AUTS2: variants seen among roughly 807,000 people sequenced by gnomAD.
AUTS2 encodes the protein activator of transcription and developmental regulator AUTS2, also known as autism susceptibility gene 2 protein.
In AUTS2, 17 loss-of-function variants were observed where a neutral mutation model predicts 112.4. That is an observed-to-expected ratio of 0.15 (90% CI 0.10 to 0.23). The LOEUF (loss-of-function observed/expected upper bound fraction) is 0.23, where lower values mean the gene tolerates loss of function less well. Among genes scored for constraint, AUTS2 ranks in the 10% least tolerant of loss-of-function variants. The probability of loss-of-function intolerance (pLI) is 1.00; values close to 1 mark genes in which losing one functional copy is unlikely to be tolerated. For synonymous variants in AUTS2, 751 were observed against 702.7 expected (o/e 1.07, Z -1.09); for missense variants, 1,510 against 1,701.6 (o/e 0.89, Z 1.98).
At chr7:70,630,514 C>T (rs1563087768) in intron 5 of AUTS2, among the ~76,000 whole-genome samples, 1 of 152,180 alleles carries the variant, frequency 6.6e-6, no homozygotes, top group Non-Finnish European at 1.5e-5. Flanking sequence ...CCAGGACACC[C>T]TTAGTGAACT....
chr7:69,836,226 C>A (rs1221490763), intron 1 of AUTS2, among the ~76,000 whole-genome samples: 2 of 152,124 alleles, frequency 1.3e-5, no homozygotes, highest in Non-Finnish European at 2.9e-5. Flanking sequence ...CTCAGATTAG[C>A]TGAGAAGGCA....
At chr7:70,787,523 C>A in intron 18 of AUTS2, 92 bp downstream of exon 18, 1 of 960,090 alleles carries the variant, frequency 1.0e-6, no homozygotes, top group Non-Finnish European at 1.5e-6. Context: ...CCTGTCCCAG[C>A]CTCGTGCTTT....
chr7:70,154,969 C>T (rs1439437006), intron 4 of AUTS2, among the ~76,000 whole-genome samples: 2 of 152,148 alleles, frequency 1.3e-5, no homozygotes, highest in Admixed American at 1.3e-4. Context: ...CCCCTGGGAC[C>T]TGCTTTACAG....
At chr7:69,900,389 G>T (rs1451113051) in intron 2 of AUTS2, among the ~76,000 whole-genome samples, 1 of 152,196 alleles carries the variant, frequency 6.6e-6, no homozygotes, top group African/African-American at 2.4e-5. Flanking sequence ...GGTGGAATAG[G>T]TAATTTTTGG....
At chr7:70,343,528 A>G (rs1303305423) in intron 4 of AUTS2, among the ~76,000 whole-genome samples, 1 of 152,238 alleles carries the variant, frequency 6.6e-6, no homozygotes, top group Non-Finnish European at 1.5e-5. Flanking sequence ...CCACTGGAAC[A>G]TAAACAGTTA....
At chr7:70,754,350 A>G (rs1479108955) in intron 6 of AUTS2, among the ~76,000 whole-genome samples, 1 of 152,010 alleles carries the variant, frequency 6.6e-6, no homozygotes, top group Non-Finnish European at 1.5e-5. Context: ...ATTAACCAGC[A>G]TGGTGGCACA....
chr7:70,790,877 C>T lies in AUTS2; in HGVS notation c.3661C>T (p.Pro1221Ser). 6.2e-7 allele frequency: 1 copy of T among 1,603,192 alleles called. No individual in the cohort carries two copies. The highest frequency in any genetic ancestry group is 8.5e-7 in the Non-Finnish European group (1 of 1,174,414). Residue 1221 changes from proline to serine, a missense_variant, in exon 19 of 19, where the codon CCC (proline) becomes TCC (serine). Coordinates refer to ENST00000342771, the MANE Select transcript of AUTS2 (RefSeq NM_015570.4). This position sits in a 1 kb window ranked among gnomAD's most constrained non-coding sequence, Gnocchi z 7.6. ...TCCGACAGCAGCGCTGAGCGCACCT[C>T]CCCCGCTCATCTCCACGCTGGGGGG... The part of the protein sequence containing the change: ...TPPTAALSAP[P>S]PLISTLGGRP...
intron 5 of AUTS2, among the ~76,000 whole-genome samples, chr7:70,449,173 G>T (rs531509123): frequency 6.6e-6 from 1 of 152,236 alleles, no homozygotes; most frequent in Non-Finnish European, 1.5e-5. Context: ...AGGGCTAAAT[G>T]CCCTCCTTGC....
chr7:70,465,168 G>A (rs1455462759), intron 5 of AUTS2, among the ~76,000 whole-genome samples: 1 of 152,182 alleles, frequency 6.6e-6, no homozygotes, highest in East Asian at 1.9e-4. Flanking sequence ...ACACCAGAAG[G>A]ACTTGGCCTC....
intron 1 of AUTS2, among the ~76,000 whole-genome samples, chr7:69,671,454 C>A (rs1796316735): frequency 1.5e-5 from 2 of 132,612 alleles, no homozygotes; most frequent in South Asian, 5.3e-4. Context: ...GAACAGGGAT[C>A]AGCACAAAAT....
At chr7:70,410,946 C>T (rs1029903463) in intron 4 of AUTS2, among the ~76,000 whole-genome samples, 6 of 151,842 alleles carry the variant, frequency 4.0e-5, no homozygotes, top group Admixed American at 6.6e-5. Context: ...TCACTGCAAC[C>T]TCTGCCTCCC....
At chr7:70,121,175 C>T (rs920918583) in intron 3 of AUTS2, among the ~76,000 whole-genome samples, 3 of 152,108 alleles carry the variant, frequency 2.0e-5, no homozygotes, top group Non-Finnish European at 4.4e-5. Context: ...ACTCCTACAT[C>T]GCACTATGTA....
At chr7:70,323,809 T>G (rs1236108165) in intron 4 of AUTS2, among the ~76,000 whole-genome samples, 1 of 152,242 alleles carries the variant, frequency 6.6e-6, no homozygotes, top group Non-Finnish European at 1.5e-5. Context: ...GGTAATGCCT[T>G]CTGAAGAAAA....
intron 11 of AUTS2, among the ~76,000 whole-genome samples, chr7:70,772,663 T>A (rs1451602022): frequency 3.9e-5 from 6 of 152,192 alleles, no homozygotes; most frequent in African/African-American, 1.4e-4. Context: ...TGGGGTCCCC[T>A]CCCCCTTCAA....
At chr7:70,597,382 G>A (rs1803259943) in intron 5 of AUTS2, among the ~76,000 whole-genome samples, 1 of 152,206 alleles carries the variant, frequency 6.6e-6, no homozygotes, top group Non-Finnish European at 1.5e-5. Context: ...CATTCTTCAA[G>A]AGTGAAACGA....
At chr7:70,784,816 G>A (rs1463424948) in intron 15 of AUTS2, 126 bp from the exon 16 acceptor site, 7 of 716,604 alleles carry the variant, frequency 9.8e-6, no homozygotes, top group Non-Finnish European at 1.2e-5. Flanking sequence ...CAGGGGCCTG[G>A]GTGGACTTCA....
intron 1 of AUTS2, chr7:69,826,013 G>T (rs1384837343): frequency 1.3e-5 from 2 of 152,178 alleles, no homozygotes; most frequent in East Asian, 3.8e-4. Context: ...ACCTTTTTCA[G>T]TCAAGAGAAT....
chr7:70,363,567 A>G (rs1168291947), intron 4 of AUTS2, among the ~76,000 whole-genome samples: 2 of 151,682 alleles, frequency 1.3e-5, no homozygotes, highest in African/African-American at 2.4e-5. Context: ...TTAAATTAAG[A>G]TATTTATGCA....
chr7:70,538,926 C>T (rs137936417), intron 5 of AUTS2, among the ~76,000 whole-genome samples: 1 of 152,200 alleles, frequency 6.6e-6, no homozygotes, highest in African/African-American at 2.4e-5. Flanking sequence ...ATGAACAAAA[C>T]GGGTTTTCTT....
Sources: gnomAD v4.1 joint callset for allele counts (sites outside exome capture counted in the v4.1 genomes callset) on GRCh38, gnomAD v4.1.1 for gene constraint, Gnocchi (gnomAD v3.1) non-coding constraint, MANE v1.5 for transcripts, NCBI Gene and HGNC (gene_info 2026-07-23, HGNC 2026-07-21) for gene names.